Variants in LIPM observed in about 807,000 individuals in gnomAD.
LIPM encodes the protein lipase member M.
Under a neutral mutation model 42.4 loss-of-function variants are expected in LIPM, and 42 were observed. The observed-to-expected ratio is 0.99, with a 90% CI of 0.77 to 1.28. The LOEUF is 1.28. Ranked by LOEUF, LIPM falls within the 50% of genes most tolerant of loss-of-function variation. The probability of loss-of-function intolerance (pLI) is 0.00; values close to 1 mark genes in which losing one functional copy is unlikely to be tolerated. For missense variants in LIPM, 524 were observed against 520.1 expected, an observed-to-expected ratio of 1.01 and a Z score of -0.07; for synonymous variants, 177 against 173.3, an observed-to-expected ratio of 1.02 and a Z score of -0.17.
intron 1 of LIPM, among the ~76,000 whole-genome samples, chr10:88,807,300 C>T (rs969526485): frequency 6.6e-6 from 1 of 152,160 alleles, no homozygotes; most frequent in African/African-American, 2.4e-5. Context: ...AGTGTTAGAA[C>T]CAGTGTTAAA....
In LIPM at chr10:88,813,108, G is replaced by C; in HGVS notation, c.277G>C (p.Val93Leu). Reference sequence around the variant, plus strand: ...TTCTCTTTTTGCAGGTTCCAGGCCTGTGGTGTTACTGCAGCATGGCCTAGT... The same window carrying C: ...TTCTCTTTTTGCAGGTTCCAGGCCTCTGGTGTTACTGCAGCATGGCCTAGT... ...VQPKKTGSRP[V>L]VLLQHGLVGG... The change falls in exon 3 of 9, where the codon GTG (valine) becomes CTG (leucine). Residue 93 changes from valine (V) to leucine (L), a missense_variant. Physicochemically the swap from Val to Leu is conservative, Grantham distance 32. Transcript: ENST00000404743. 1.3e-6 allele frequency: 2 copies of C among 1,594,256 alleles called. No individual in the cohort carries two copies. The highest frequency in any genetic ancestry group is 2.2e-5 in the South Asian group (2 of 88,910).
chr10:88,818,364 G>A (rs1387570022), intron 8 of LIPM, among the ~76,000 whole-genome samples: 2 of 152,134 alleles, frequency 1.3e-5, no homozygotes, highest in African/African-American at 4.8e-5. Context: ...AATTTTTCAG[G>A]CTTCAATTTC....
At chr10:88,809,100 A>G (rs1843623705) in intron 2 of LIPM, among the ~76,000 whole-genome samples, 1 of 151,888 alleles carries the variant, frequency 6.6e-6, no homozygotes, top group Non-Finnish European at 1.5e-5. Flanking sequence ...GATTACAGGC[A>G]TACACCACCA....
chr10:88,816,807 T>A lies in LIPM; in HGVS notation c.859-9T>A. ...CTATGTCCCCCAGAATACTCATGGT[T>A]TGTTACAGAGCCGAGCAAGTGTATA... On this transcript the variant is annotated splice_polypyrimidine_tract_variant and intron_variant, in intron 6 of 8. Coordinates refer to ENST00000404743, the MANE Select transcript of LIPM (RefSeq NM_001128215.1). 1.9e-6 allele frequency: 3 copies of A among 1,548,570 alleles called. No individual in the cohort carries two copies. In the East Asian group the frequency reaches 7.3e-5, roughly 38 times the overall value.
At chr10:88,813,413 C>A in intron 3 of LIPM, 118 bp downstream of exon 3, 1 of 759,144 alleles carries the variant, frequency 1.3e-6, no homozygotes, top group Non-Finnish European at 2.1e-6. Flanking sequence ...ATTATCTTAA[C>A]ATGATATCCC....
chr10:88,803,333 A>G (rs1305209559), intron 1 of LIPM, among the ~76,000 whole-genome samples: 1 of 152,194 alleles, frequency 6.6e-6, no homozygotes, highest in African/African-American at 2.4e-5. Context: ...AGAAGTAATT[A>G]AGGCCTTTTA....
intron 2 of LIPM, 31 bp downstream of exon 2, chr10:88,808,446 G>A (rs1843615158): frequency 8.1e-7 from 1 of 1,239,088 alleles, no homozygotes; most frequent in Non-Finnish European, 1.2e-6. Context: ...CCGCAACACA[G>A]CAGTCTTCTC....
rs754465389 is a variant in LIPM at position 88,813,266 on chromosome 10, C to T, written c.435C>T (p.Ser145=). The T allele has an allele frequency of 4.8e-5, 78 of 1,610,006 alleles. No individual in the cohort carries two copies. In the Middle Eastern group the frequency reaches 3.0e-3, roughly 61 times the overall value. ...NAWSRKHKTL[S]IDQDEFWAFS... ...GGTCTCGAAAACACAAGACACTCTC[C>T]ATAGACCAAGATGAGTTCTGGGCTT... is the stretch of plus-strand genomic sequence containing the variant. Residue 145 remains serine, a synonymous_variant, in exon 3 of 9, where the codon TCC becomes TCT. Coordinates refer to ENST00000404743, the MANE Select transcript of LIPM (RefSeq NM_001128215.1).
intron 1 of LIPM, 53 bp from the exon 2 acceptor site, chr10:88,808,245 G>A (rs1038369304): frequency 6.6e-5 from 66 of 997,364 alleles, no homozygotes; most frequent in Middle Eastern, 2.0e-4. Flanking sequence ...TTGGATCATT[G>A]AGAATATGGC....
intron 6 of LIPM, 26 bp from the exon 7 acceptor site, chr10:88,816,790 C>T (rs1266048360): frequency 8.6e-6 from 13 of 1,508,176 alleles, no homozygotes; most frequent in African/African-American, 1.4e-5. Flanking sequence ...TTCTATGTCC[C>T]CCAGAATACT....
rs1054068220 is a variant in LIPM at position 88,820,490 on chromosome 10, G to T, written c.1261G>T (p.Ala421Ser). The T allele has an allele frequency of 1.9e-5, 29 of 1,550,394 alleles. No individual in the cohort carries two copies. Among genetic ancestry groups the T allele is most frequent in the Non-Finnish European group, 2.5e-5 (29 of 1,146,798 alleles). The change falls in exon 9 of 9, where the codon GCC (alanine) becomes TCC (serine). Residue 421 changes from alanine (A) to serine (S), a missense_variant. Physicochemically the swap from Ala to Ser is moderately conservative, Grantham distance 99 (BLOSUM62 1). Coordinates refer to ENST00000404743, the MANE Select transcript of LIPM (RefSeq NM_001128215.1). ...CAACCTTTCCCAGGGACGGTGTGAG[G>T]CCGTATTGTGAAGCATCTGACACTG... is the stretch of plus-strand genomic sequence containing the variant. ...ETNLSQGRCEAVL is the reference protein window; with the variant it reads ...ETNLSQGRCESVL
At chr10:88,805,020 G>C (rs1843569160) in intron 1 of LIPM, among the ~76,000 whole-genome samples, 1 of 152,136 alleles carries the variant, frequency 6.6e-6, no homozygotes, top group Admixed American at 6.6e-5. Flanking sequence ...ATTTGACTCT[G>C]TATATTCATG....
chr10:88,815,566 C>A, intron 6 of LIPM, 63 bp downstream of exon 6: 1 of 1,435,290 alleles, frequency 7.0e-7, no homozygotes, highest in Non-Finnish European at 9.4e-7. Context: ...TATGGCTCAC[C>A]CCTGGAGGGA....
intron 3 of LIPM, 128 bp from the exon 4 acceptor site, chr10:88,814,402 T>G: frequency 1.6e-6 from 1 of 638,666 alleles, no homozygotes; most frequent in Non-Finnish European, 2.8e-6. Flanking sequence ...CTGAGTGTTG[T>G]GAGGGACACG....
At chr10:88,814,450 T>G in intron 3 of LIPM, 80 bp from the exon 4 acceptor site, 1 of 928,376 alleles carries the variant, frequency 1.1e-6, no homozygotes, top group Non-Finnish European at 1.7e-6. Flanking sequence ...AAGGGCTTGT[T>G]TGTAAACCTG....
intron 1 of LIPM, among the ~76,000 whole-genome samples, chr10:88,803,281 A>G (rs1194284635): frequency 1.3e-5 from 2 of 152,140 alleles, no homozygotes; most frequent in Non-Finnish European, 1.5e-5. Context: ...TTCAAACACA[A>G]TTTAACTTTT....
At chr10:88,807,579 G>A (rs910507898) in intron 1 of LIPM, among the ~76,000 whole-genome samples, 2 of 152,326 alleles carry the variant, frequency 1.3e-5, no homozygotes, top group South Asian at 2.1e-4. Context: ...GGGTTCGTAT[G>A]TAGGCAACAA....
At chr10:88,807,236 G>A (rs1039704442) in intron 1 of LIPM, among the ~76,000 whole-genome samples, 11 of 152,188 alleles carry the variant, frequency 7.2e-5, no homozygotes, top group Admixed American at 2.0e-4. Context: ...ATGAACTGAA[G>A]CATAGGAGCA....
chr10:88,812,985 G>A (rs1589315246), intron 2 of LIPM, 112 bp from the exon 3 acceptor site: 1 of 886,686 alleles, frequency 1.1e-6, no homozygotes, highest in East Asian at 2.7e-5. Flanking sequence ...CTAGCAAGCA[G>A]CTGAATCAAG....
Sources: gnomAD v4.1 joint callset for allele counts (sites outside exome capture counted in the v4.1 genomes callset) on GRCh38, gnomAD v4.1.1 for gene constraint, MANE v1.5 for transcripts, NCBI Gene and HGNC (gene_info 2026-07-23, HGNC 2026-07-21) for gene names.